The following KCNQ1 variants were observed in gnomAD, a reference collection of about 807,000 sequenced individuals.
The protein encoded by KCNQ1 is potassium voltage-gated channel subfamily Q member 1, also known as potassium voltage-gated channel subfamily KQT member 1.
In KCNQ1, 49 loss-of-function variants were observed where a neutral mutation model predicts 72.4. The observed-to-expected ratio is 0.68, with a 90% CI of 0.54 to 0.86. The LOEUF is 0.86. Among genes scored for constraint, KCNQ1 ranks in the 40% least tolerant of loss-of-function variants. KCNQ1 has a pLI of 0.00. For synonymous variants in KCNQ1, 450 were observed against 412.6 expected, an observed-to-expected ratio of 1.09 and a Z score of -1.10; for missense variants, 790 against 945.1, an observed-to-expected ratio of 0.84 and a Z score of 2.15.
rs1052451643 is a variant in KCNQ1 at position 2,772,788 on chromosome 11, A to C, written c.1591-3172A>C. The stretch of plus-strand genomic sequence containing the variant: ...ATCTGCAGAGGCTGCTAACACACAC[A>C]CCTACACCCACCTGGTCACAGTGGC... On this transcript the variant is annotated intron_variant, in intron 12 of 15. Transcript: ENST00000155840. The surrounding 1 kb of genome is among the most constrained non-coding windows in gnomAD (Gnocchi z 6.6). Among the ~76,000 whole-genome samples, 1 of 151,964 alleles carries C rather than the reference A, an allele frequency of 6.6e-6. No individual in the cohort carries two copies. The highest frequency in any genetic ancestry group is 1.5e-5 in the Non-Finnish European group (1 of 67,984).
chr11:2,575,146 C>G (rs1038105054), intron 6 of KCNQ1, among the ~76,000 whole-genome samples: 1 of 152,150 alleles, frequency 6.6e-6, no homozygotes, highest in African/African-American at 2.4e-5. Flanking sequence ...GAGCTGTGGG[C>G]AGCGGACGCT....
In KCNQ1 at chr11:2,710,559, A is replaced by C. The variant is rs1356381804; in HGVS notation, c.1514+48478A>C. ...TAACTAAATAACAACATGTAATCTGAGGTCAAAAAGATTTACCCCTATATT... is the reference window on the plus strand; with the variant it reads ...TAACTAAATAACAACATGTAATCTGCGGTCAAAAAGATTTACCCCTATATT... On this transcript the variant is annotated intron_variant, in intron 11 of 15. Transcript: ENST00000155840. The surrounding 1 kb of genome is among the most constrained non-coding windows in gnomAD (Gnocchi z 4.1). 6.6e-6 allele frequency among the ~76,000 whole-genome samples: 1 copy of C among 152,162 alleles called. No homozygotes were observed. The highest frequency in any genetic ancestry group is 2.4e-5 in the African/African-American group (1 of 41,446).
rs142767798 is a variant in KCNQ1, at chr11:2,724,589, C to T, written c.1515-44255C>T. 7.5e-3 allele frequency among the ~76,000 whole-genome samples: 1,146 copies of T among 152,328 alleles called. 18 individuals are homozygous for T. The highest frequency in any genetic ancestry group is 0.02 in the Middle Eastern group (6 of 294). ...AAGGACCCCACTAGGAACCCCTTCC[C>T]GCGGAAACACAGCTTCTCCCCTTGG... is the stretch of plus-strand genomic sequence containing the variant. On this transcript the variant is annotated intron_variant, in intron 11 of 15. Coordinates refer to ENST00000155840, the MANE Select transcript of KCNQ1 (RefSeq NM_000218.3). This position sits in a 1 kb window ranked among gnomAD's most constrained non-coding sequence, Gnocchi z 6.8.
At chr11:2,570,827 T>G in intron 3 of KCNQ1, 73 bp downstream of exon 3, 1 of 1,591,306 alleles carries the variant, frequency 6.3e-7, no homozygotes, top group Admixed American at 1.7e-5. Flanking sequence ...TCATGACCCC[T>G]ACCAGATGGA....
chr11:2,798,727 CTG>C (rs993488883), intron 15 of KCNQ1, among the ~76,000 whole-genome samples: 36 of 152,278 alleles, frequency 2.4e-4, no homozygotes, highest in Admixed American at 1.6e-3. Context: ...AATGTGAAAA[CTG>C]TGTATTTTTG....
At chr11:2,514,848 T>C (rs1847263591) in intron 1 of KCNQ1, among the ~76,000 whole-genome samples, 1 of 152,026 alleles carries the variant, frequency 6.6e-6, no homozygotes, top group African/African-American at 2.4e-5. Flanking sequence ...GGGCTAGATG[T>C]GAGGAGGGAC....
rs751144752 is a variant in KCNQ1, at chr11:2,471,218, C to T, written c.386+25734C>T. On this transcript the variant is annotated intron_variant, in intron 1 of 15. Transcript: ENST00000155840. This position sits in a 1 kb window ranked among gnomAD's most constrained non-coding sequence, Gnocchi z 4.8. ...GACTCGGGGACCTAGGACTCTGAAC[C>T]TCCAACTGGTGTGGCTTCAGGGTCC... Among the ~76,000 whole-genome samples the T allele has an allele frequency of 2.0e-5, 3 of 152,170 alleles. No individual in the cohort carries two copies. The highest frequency in any genetic ancestry group is 4.4e-5 in the Non-Finnish European group (3 of 68,036).
At chr11:2,726,385 G>A (rs1328055319) in intron 11 of KCNQ1, among the ~76,000 whole-genome samples, 1 of 152,202 alleles carries the variant, frequency 6.6e-6, no homozygotes, top group East Asian at 1.9e-4. Context: ...GAGTGAGGGT[G>A]GTGCTCTTCC....
chr11:2,743,933 C>T (rs1846097858), intron 11 of KCNQ1, among the ~76,000 whole-genome samples: 2 of 152,186 alleles, frequency 1.3e-5, no homozygotes, highest in Non-Finnish European at 2.9e-5. Context: ...CCTGGTGGGC[C>T]TTGAGGGTGC....
Position 2,824,973 on chromosome 11 carries a change from C to T in KCNQ1, c.1795-22794C>T, listed in dbSNP as rs374298021. ...ACAGGGGCGTTTGGACAGGGGAGGC[C>T]GGGTGTGGATGGAAGCTGTACGATG... On this transcript the variant is annotated intron_variant, in intron 15 of 15. Transcript: ENST00000155840. The surrounding 1 kb of genome is among the most constrained non-coding windows in gnomAD (Gnocchi z 5.9). 1.9e-4 allele frequency among the ~76,000 whole-genome samples: 29 copies of T among 152,212 alleles called. No homozygotes were observed. In the East Asian group the frequency reaches 3.1e-3, roughly 16 times the overall value.
rs546182570 is a variant in KCNQ1 at position 2,521,051 on chromosome 11, T to C, written c.387-6877T>C. Reference sequence around the variant, plus strand: ...ATGTTGTTTGCTTTAAAAAAAGTTTTTTTTTTATTGTGATAAAATACACAT... The same window carrying C: ...ATGTTGTTTGCTTTAAAAAAAGTTTCTTTTTTATTGTGATAAAATACACAT... On this transcript the variant is annotated intron_variant, in intron 1 of 15. Transcript: ENST00000155840. 2.0e-5 allele frequency among the ~76,000 whole-genome samples: 3 copies of C among 148,432 alleles called. No individual in the cohort carries two copies. The South Asian group carries it at 6.4e-4, about 32-fold the overall frequency.
chr11:2,652,036 G>A lies in KCNQ1; in HGVS notation c.1394-9925G>A, dbSNP rs1245408482. The A allele has an allele frequency of 7.5e-6, 3 of 398,514 alleles. No individual in the cohort carries two copies. The highest frequency in any genetic ancestry group is 1.3e-5 in the Non-Finnish European group (3 of 226,102). The allele number at this position is 398,514 out of a possible 1,614,324, so 24.7% of individuals were successfully genotyped here. On this transcript the variant is annotated intron_variant, in intron 10 of 15. Coordinates refer to ENST00000155840, the MANE Select transcript of KCNQ1 (RefSeq NM_000218.3). The surrounding 1 kb of genome is among the most constrained non-coding windows in gnomAD (Gnocchi z 5.9). Reference sequence around the variant, plus strand: ...ATGTTGAGCCTCCCCCCAGTTCTGGGGTGGCTCTGACTGTGTCCAGGCTCC... The same window carrying A: ...ATGTTGAGCCTCCCCCCAGTTCTGGAGTGGCTCTGACTGTGTCCAGGCTCC...
At chr11:2,727,424 A>G (rs1047875811) in intron 11 of KCNQ1, among the ~76,000 whole-genome samples, 2 of 152,172 alleles carry the variant, frequency 1.3e-5, no homozygotes, top group Non-Finnish European at 2.9e-5. Flanking sequence ...GTCAGGGACC[A>G]CCAGGCCTTG....
rs1486057268 is a variant in KCNQ1, at chr11:2,739,791, G to A, written c.1515-29053G>A. Among the ~76,000 whole-genome samples, 7 of 152,372 alleles carry A rather than the reference G, an allele frequency of 4.6e-5. No individual in the cohort carries two copies. In the South Asian group the frequency reaches 1.0e-3, roughly 23 times the overall value. The stretch of plus-strand genomic sequence containing the variant: ...CCAGCTGGTATTGGCCAAGTTGACC[G>A]TGTCCAGGGGACAGAGAGAGGGGAG... On this transcript the variant is annotated intron_variant, in intron 11 of 15. Transcript: ENST00000155840.
chr11:2,588,382 G>A lies in KCNQ1; in HGVS notation c.1252-331G>A, dbSNP rs1827326547. Among the ~76,000 whole-genome samples, 1 of 152,136 alleles carries A rather than the reference G, an allele frequency of 6.6e-6. No individual in the cohort carries two copies. Among genetic ancestry groups the A allele is most frequent in the South Asian group, 2.1e-4 (1 of 4,830 alleles). On this transcript the variant is annotated intron_variant, in intron 9 of 15. Transcript: ENST00000155840. This position sits in a 1 kb window ranked among gnomAD's most constrained non-coding sequence, Gnocchi z 5.6. ...TTCATGCCCTGCTGGCCCCCAGCCT[G>A]TTCCCCCGATATGCATTCTCCCCTA...
At position 2,768,518 on chromosome 11, in the gene KCNQ1, A is replaced by G. The variant is rs1564886230; in HGVS notation, c.1515-326A>G. Among the ~76,000 whole-genome samples, 1 of 152,296 alleles carries G rather than the reference A, an allele frequency of 6.6e-6. No homozygotes were observed. Among genetic ancestry groups the G allele is most frequent in the East Asian group, 1.9e-4 (1 of 5,164 alleles). ...GGCCCAAGCATAGAAAGAAGTTGCT[A>G]TGGCTGCCATGTGTCAGCAGCATAG... On this transcript the variant is annotated intron_variant, in intron 11 of 15. Transcript: ENST00000155840. This position sits in a 1 kb window ranked among gnomAD's most constrained non-coding sequence, Gnocchi z 6.7.
At chr11:2,700,328 C>T (rs974055209) in intron 11 of KCNQ1, among the ~76,000 whole-genome samples, 1 of 152,104 alleles carries the variant, frequency 6.6e-6, no homozygotes, top group Non-Finnish European at 1.5e-5. Context: ...TTGGCATCGC[C>T]GGGGTGAGCT....
At chr11:2,485,053 G>A (rs1245421953) in intron 1 of KCNQ1, among the ~76,000 whole-genome samples, 3 of 152,034 alleles carry the variant, frequency 2.0e-5, no homozygotes, top group African/African-American at 4.8e-5. Flanking sequence ...GTCTGTGCAC[G>A]GCGCGTCTTG....
chr11:2,815,297 G>A lies in KCNQ1; in HGVS notation c.1795-32470G>A, dbSNP rs1236046762. ...CACACTCCCCACTAGAGCCCACATA[G>A]GTCTTATGGGTGCCACAGCAGGGAC... On this transcript the variant is annotated intron_variant, in intron 15 of 15. Coordinates refer to ENST00000155840, the MANE Select transcript of KCNQ1 (RefSeq NM_000218.3). This position sits in a 1 kb window ranked among gnomAD's most constrained non-coding sequence, Gnocchi z 5.4. 6.6e-6 allele frequency among the ~76,000 whole-genome samples: 1 copy of A among 152,160 alleles called. No individual in the cohort carries two copies. Among genetic ancestry groups the A allele is most frequent in the Non-Finnish European group, 1.5e-5 (1 of 68,028 alleles).
Sources: gnomAD v4.1 joint callset for allele counts (sites outside exome capture counted in the v4.1 genomes callset) on GRCh38, gnomAD v4.1.1 for gene constraint, Gnocchi (gnomAD v3.1) non-coding constraint, MANE v1.5 for transcripts, NCBI Gene and HGNC (gene_info 2026-07-23, HGNC 2026-07-21) for gene names.